Variants in ULK4 observed in about 807,000 individuals in gnomAD.
ULK4 encodes the protein unc-51 like kinase 4, also known as inactive serine/threonine-protein kinase ULK4.
Under a neutral mutation model 160.6 loss-of-function variants are expected in ULK4, and 133 were observed. The ratio of observed to expected loss-of-function variants is 0.83; its 90% CI spans 0.72 to 0.96. The LOEUF is 0.96. Among genes scored for constraint, ULK4 ranks in the 40% least tolerant of loss-of-function variants. The pLI, the probability that ULK4 is intolerant of heterozygous loss-of-function variation, is 0.00. For synonymous variants in ULK4, 534 were observed against 539.8 expected (o/e 0.99, Z 0.15); for missense variants, 1,580 against 1,499.5 (o/e 1.05, Z -0.89).
intron 27 of ULK4, among the ~76,000 whole-genome samples, chr3:41,702,780 T>C (rs1033383619): frequency 6.6e-6 from 1 of 151,632 alleles, no homozygotes; most frequent in Non-Finnish European, 1.5e-5. Context: ...ATAGGAGATT[T>C]ATACACATCT....
chr3:41,738,151 A>C (rs766542876), intron 22 of ULK4, among the ~76,000 whole-genome samples: 2 of 152,000 alleles, frequency 1.3e-5, no homozygotes, highest in Non-Finnish European at 2.9e-5. Flanking sequence ...AAAAATTAAA[A>C]ATAGTCTATT....
intron 2 of ULK4, among the ~76,000 whole-genome samples, chr3:41,939,659 G>A (rs1399719247): frequency 1.3e-5 from 2 of 151,874 alleles, no homozygotes; most frequent in Admixed American, 6.6e-5. Flanking sequence ...ACTTTAGGAG[G>A]CCAAGGCAGG....
At chr3:41,506,592 T>A (rs1369782915) in intron 32 of ULK4, among the ~76,000 whole-genome samples, 4 of 151,476 alleles carry the variant, frequency 2.6e-5, no homozygotes, top group African/African-American at 9.7e-5. Flanking sequence ...TTCCTTACTT[T>A]TCTACAAATT....
intron 30 of ULK4, among the ~76,000 whole-genome samples, chr3:41,649,775 T>C (rs1272452648): frequency 6.6e-6 from 1 of 152,156 alleles, no homozygotes; most frequent in Non-Finnish European, 1.5e-5. Flanking sequence ...GGCAGACAGG[T>C]TCCTGGGCAG....
intron 19 of ULK4, 40 bp from the exon 20 acceptor site, chr3:41,800,333 ATAAATACATG>A (rs1218270294): frequency 6.4e-7 from 1 of 1,551,136 alleles, no homozygotes; most frequent in South Asian, 1.2e-5. Flanking sequence ...AGTGTGAGAA[ATAAATACATG>A]TTATTTCTTT....
chr3:41,321,821 C>A (rs527250110), intron 35 of ULK4, among the ~76,000 whole-genome samples: 3 of 143,950 alleles, frequency 2.1e-5, no homozygotes, highest in African/African-American at 8.2e-5. Context: ...TCTGTGCCTG[C>A]GGCCCCTCCC....
intron 35 of ULK4, among the ~76,000 whole-genome samples, chr3:41,279,427 A>G (rs1182247764): frequency 6.6e-6 from 1 of 152,194 alleles, no homozygotes; most frequent in East Asian, 1.9e-4. Context: ...CTAGCAAGGC[A>G]GGCCAACATT....
At chr3:41,874,101 A>G (rs1697215226) in intron 17 of ULK4, among the ~76,000 whole-genome samples, 1 of 152,156 alleles carries the variant, frequency 6.6e-6, no homozygotes, top group African/African-American at 2.4e-5. Context: ...TTGTTCTTGA[A>G]AAAAGGTTAT....
chr3:41,522,752 T>C (rs2085976296), intron 32 of ULK4, among the ~76,000 whole-genome samples: 1 of 152,166 alleles, frequency 6.6e-6, no homozygotes, highest in African/African-American at 2.4e-5. Flanking sequence ...TAAATCCAAA[T>C]TATGGTCTCA....
chr3:41,657,817 T>TAAA (rs1294739642), intron 30 of ULK4, among the ~76,000 whole-genome samples: 3 of 27,392 alleles, frequency 1.1e-4, no homozygotes, highest in Non-Finnish European at 1.2e-4. Flanking sequence ...CTCCATCTCA[T>TAAA]TAAAAAAAAA....
chr3:41,868,788 G>T (rs1195733039), intron 17 of ULK4, among the ~76,000 whole-genome samples: 2 of 151,610 alleles, frequency 1.3e-5, no homozygotes, highest in East Asian at 3.9e-4. Flanking sequence ...TGAGCCACTG[G>T]ACCAGCTAGG....
chr3:41,883,674 C>CA (rs1384609692), intron 17 of ULK4, among the ~76,000 whole-genome samples, 200 bp downstream of exon 17: 1 of 152,156 alleles, frequency 6.6e-6, no homozygotes, highest in Non-Finnish European at 1.5e-5. Flanking sequence ...TCTGCTGTGC[C>CA]ATTTTAATGA....
chr3:41,943,631 A>C (rs954624104), intron 2 of ULK4, among the ~76,000 whole-genome samples: 3 of 152,022 alleles, frequency 2.0e-5, no homozygotes, highest in Non-Finnish European at 4.4e-5. Context: ...CTACCTCCTA[A>C]CTGATGACTT....
chr3:41,634,501 CAGAGAA>C (rs2033874055), intron 30 of ULK4, among the ~76,000 whole-genome samples: 1 of 152,112 alleles, frequency 6.6e-6, no homozygotes, highest in African/African-American at 2.4e-5. Context: ...TGGCGTCAGA[CAGAGAA>C]AAAGAAAAAT....
chr3:41,685,115 T>C (rs1372761915), intron 27 of ULK4, among the ~76,000 whole-genome samples: 4 of 152,228 alleles, frequency 2.6e-5, no homozygotes, highest in African/African-American at 4.8e-5. Context: ...ATTTATTATT[T>C]TCCCCTCCAT....
intron 13 of ULK4, among the ~76,000 whole-genome samples, chr3:41,900,113 T>C (rs1698298087): frequency 6.6e-6 from 1 of 152,150 alleles, no homozygotes; most frequent in South Asian, 2.1e-4. Flanking sequence ...TTAAAGTAGA[T>C]ACTCATTATC....
intron 22 of ULK4, among the ~76,000 whole-genome samples, chr3:41,745,412 A>G (rs9847975): frequency 0.18 from 27,424 of 151,532 alleles, 2,694 homozygotes; most frequent in Middle Eastern, 0.32. Flanking sequence ...TAAAAAATTG[A>G]CCATTCCTCA....
chr3:41,950,063 G>C (rs1218263269), intron 2 of ULK4, among the ~76,000 whole-genome samples: 1 of 151,520 alleles, frequency 6.6e-6, no homozygotes. Context: ...ATTGATGCAG[G>C]TACTGGCAAA....
chr3:41,664,105 C>A (rs1305088516), intron 29 of ULK4, among the ~76,000 whole-genome samples: 1 of 152,192 alleles, frequency 6.6e-6, no homozygotes, highest in Non-Finnish European at 1.5e-5. Flanking sequence ...CTTTCCAACG[C>A]TGATAATGAT....
Sources: gnomAD v4.1 joint callset for allele counts (sites outside exome capture counted in the v4.1 genomes callset) on GRCh38, gnomAD v4.1.1 for gene constraint, MANE v1.5 for transcripts, NCBI Gene and HGNC (gene_info 2026-07-23, HGNC 2026-07-21) for gene names.